CPXM2: variants seen among roughly 807,000 people sequenced by gnomAD.
CPXM2 encodes carboxypeptidase X, M14 family member 2, also known as inactive carboxypeptidase-like protein X2.
CPXM2 carries 66 observed loss-of-function variants against 86.1 expected under a neutral mutation model. The ratio of observed to expected loss-of-function variants is 0.77; its 90% CI spans 0.63 to 0.94. CPXM2 has a LOEUF of 0.94. Ranked by LOEUF, CPXM2 falls within the 40% of genes least tolerant of loss-of-function variation. The pLI, the probability that CPXM2 is intolerant of heterozygous loss-of-function variation, is 0.00. For synonymous variants in CPXM2, 388 were observed against 400.2 expected (o/e 0.97, Z 0.36); for missense variants, 948 against 1,026.3 (o/e 0.92, Z 1.04).
At chr10:123,913,834 G>A (rs540428269) in intron 2 of CPXM2, 11 of 346,186 alleles carry the variant, frequency 3.2e-5, no homozygotes, top group East Asian at 3.1e-4. Flanking sequence ...CTGTTTAACC[G>A]GATCTGTGGC....
intron 2 of CPXM2, among the ~76,000 whole-genome samples, chr10:123,912,793 T>C (rs1945501793): frequency 6.6e-6 from 1 of 152,220 alleles, no homozygotes; most frequent in Non-Finnish European, 1.5e-5. Context: ...TCAAACAACC[T>C]CAGTCCAGGC....
chr10:123,795,216 G>A (rs1042501696), intron 6 of CPXM2, among the ~76,000 whole-genome samples: 1 of 152,178 alleles, frequency 6.6e-6, no homozygotes, highest in African/African-American at 2.4e-5. Context: ...TTGCAAAACT[G>A]ACAGTCTGTA....
Position 123,831,938 on chromosome 10 carries a change from G to A in CPXM2, c.653+10411C>T, listed in dbSNP as rs928115141. ...AAGATAATGACATCCTGTGGGTGGAGGCCGGGGGTGGGGGGCGTGCCAGGG... is the reference window on the plus strand; with the variant it reads ...AAGATAATGACATCCTGTGGGTGGAAGCCGGGGGTGGGGGGCGTGCCAGGG... On this transcript the variant is annotated intron_variant, in intron 4 of 13. Transcript: ENST00000241305. Among the ~76,000 whole-genome samples, 4 of 148,196 alleles carry A rather than the reference G, an allele frequency of 2.7e-5. No homozygotes were observed. In the South Asian group the frequency reaches 6.5e-4, roughly 24 times the overall value.
In CPXM2 at chr10:123,857,664, G is replaced by GTGGAGATGGAAGGCGGCA. The variant is rs1564800734; in HGVS notation, c.513+4949_513+4950insTGCCGCCTTCCATCTCCA. On this transcript the variant is annotated intron_variant, in intron 3 of 13. Coordinates refer to ENST00000241305, the MANE Select transcript of CPXM2 (RefSeq NM_198148.3). Reference sequence around the variant, plus strand: ...AGGCGGCGTGGAGATGGAAGGCGGCGTGGAGATGGAAGGCGGCGTGGAGCT... The same window carrying GTGGAGATGGAAGGCGGCA: ...AGGCGGCGTGGAGATGGAAGGCGGCGTGGAGATGGAAGGCGGCATGGAGATGGAAGGCGGCGTGGAGCT... Among the ~76,000 whole-genome samples the GTGGAGATGGAAGGCGGCA allele has an allele frequency of 9.3e-4, 103 of 110,214 alleles. 32 individuals are homozygous for GTGGAGATGGAAGGCGGCA. Among genetic ancestry groups the GTGGAGATGGAAGGCGGCA allele is most frequent in the African/African-American group, 4.5e-3 (94 of 20,882 alleles). The allele number at this position is 110,214 out of a possible 152,430, so 72.3% of individuals were successfully genotyped here.
At chr10:123,852,739 C>A (rs1219554147) in intron 3 of CPXM2, among the ~76,000 whole-genome samples, 2 of 152,114 alleles carry the variant, frequency 1.3e-5, no homozygotes, top group African/African-American at 4.8e-5. Context: ...CTATACCTGA[C>A]CTTTGCTCAA....
upstream of CPXM2, among the ~76,000 whole-genome samples, chr10:123,892,325 G>C (rs1371844510): frequency 1.3e-5 from 2 of 152,156 alleles, no homozygotes; most frequent in African/African-American, 4.8e-5. Flanking sequence ...GGACCCTGGA[G>C]GAGCCCTCTC....
chr10:123,808,830 T>C (rs1009064322), intron 4 of CPXM2, among the ~76,000 whole-genome samples: 4 of 152,154 alleles, frequency 2.6e-5, no homozygotes, highest in Non-Finnish European at 4.4e-5. Flanking sequence ...CATTTTTAAG[T>C]TTTCCTTTAG....
At chr10:123,814,685 T>C (rs756043153) in intron 4 of CPXM2, among the ~76,000 whole-genome samples, 42 of 152,178 alleles carry the variant, frequency 2.8e-4, no homozygotes, top group Non-Finnish European at 4.1e-4. Context: ...CTACTTCTAA[T>C]AGTATGGACA....
At chr10:123,939,089 G>A (rs1945749957) in intron 2 of CPXM2, among the ~76,000 whole-genome samples, 2 of 152,274 alleles carry the variant, frequency 1.3e-5, no homozygotes, top group South Asian at 4.1e-4. Context: ...ATAAAGCCAC[G>A]AGAAGTGTAT....
At chr10:123,921,808 A>G (rs933338936) in intron 2 of CPXM2, among the ~76,000 whole-genome samples, 5 of 152,208 alleles carry the variant, frequency 3.3e-5, no homozygotes, top group Non-Finnish European at 5.9e-5. Context: ...AGAGTTTTAG[A>G]ATAAAGGTTT....
intron 12 of CPXM2, among the ~76,000 whole-genome samples, chr10:123,756,319 T>C (rs1846209711): frequency 6.6e-6 from 1 of 152,208 alleles, no homozygotes; most frequent in Non-Finnish European, 1.5e-5. Flanking sequence ...TGTTCCTTAG[T>C]GGGGCCCGGA....
intron 10 of CPXM2, among the ~76,000 whole-genome samples, chr10:123,763,772 A>G (rs1322139200): frequency 1.3e-5 from 2 of 152,108 alleles, no homozygotes; most frequent in Non-Finnish European, 2.9e-5. Flanking sequence ...TATAACGAAC[A>G]GTGTTGCTTT....
chr10:123,834,011 A>G (rs1313922017), intron 4 of CPXM2, among the ~76,000 whole-genome samples: 5 of 152,230 alleles, frequency 3.3e-5, no homozygotes, highest in Non-Finnish European at 7.3e-5. Flanking sequence ...GGTAGCTGCT[A>G]TTACATCTCC....
chr10:123,915,685 A>G (rs1039176894), intron 2 of CPXM2, among the ~76,000 whole-genome samples: 7 of 152,176 alleles, frequency 4.6e-5, no homozygotes, highest in African/African-American at 9.7e-5. Context: ...TTCCTGGTCA[A>G]TGGCTCCTTA....
At chr10:123,922,737 G>A (rs1158671011) in intron 2 of CPXM2, among the ~76,000 whole-genome samples, 1 of 152,236 alleles carries the variant, frequency 6.6e-6, no homozygotes, top group Non-Finnish European at 1.5e-5. Context: ...GGGGAGGGAA[G>A]TTCTTCTTTA....
rs577861580 is a variant in CPXM2 at position 123,753,623 on chromosome 10, C to T, written c.2017+1040G>A. Among the ~76,000 whole-genome samples the T allele has an allele frequency of 9.2e-5, 14 of 152,354 alleles. No individual in the cohort carries two copies. The South Asian group carries it at 1.7e-3, about 18-fold the overall frequency. On this transcript the variant is annotated intron_variant, in intron 13 of 13. Coordinates refer to ENST00000241305, the MANE Select transcript of CPXM2 (RefSeq NM_198148.3). Reference sequence around the variant, plus strand: ...GTATGAGCGTTCTTTGAGAACAGATCGTGTGGGGAACAGCTCCTTGTTCCT... The same window carrying T: ...GTATGAGCGTTCTTTGAGAACAGATTGTGTGGGGAACAGCTCCTTGTTCCT...
intron 2 of CPXM2, among the ~76,000 whole-genome samples, chr10:123,937,920 A>G (rs1412146697): frequency 6.6e-6 from 1 of 152,052 alleles, no homozygotes; most frequent in Admixed American, 6.6e-5. Flanking sequence ...CCCAGTGTCT[A>G]TTTCTGGTGC....
Position 123,865,753 on chromosome 10 carries a change from C to T in CPXM2, c.404-3030G>A, listed in dbSNP as rs1404206823. Among the ~76,000 whole-genome samples, 1 of 152,204 alleles carries T rather than the reference C, an allele frequency of 6.6e-6. No individual in the cohort carries two copies. Among genetic ancestry groups the T allele is most frequent in the Non-Finnish European group, 1.5e-5 (1 of 68,038 alleles). On this transcript the variant is annotated intron_variant, in intron 2 of 13. Coordinates refer to ENST00000241305, the MANE Select transcript of CPXM2 (RefSeq NM_198148.3). This position sits in a 1 kb window ranked among gnomAD's most constrained non-coding sequence, Gnocchi z 4.7. ...TGCCCAGAGCTGAGGGTGAACACAG[C>T]TCAGGCAGGCTCGCCCAGCTTCTGA...
chr10:123,880,666 A>G (rs2134231883), intron 1 of CPXM2, among the ~76,000 whole-genome samples: 1 of 151,898 alleles, frequency 6.6e-6, no homozygotes, highest in Non-Finnish European at 1.5e-5. Context: ...TGTCTCTACT[A>G]AAAATACAAA....
Sources: gnomAD v4.1 joint callset for allele counts (sites outside exome capture counted in the v4.1 genomes callset) on GRCh38, gnomAD v4.1.1 for gene constraint, Gnocchi (gnomAD v3.1) non-coding constraint, MANE v1.5 for transcripts, NCBI Gene and HGNC (gene_info 2026-07-23, HGNC 2026-07-21) for gene names.